SNX29: variants seen among roughly 807,000 people sequenced by gnomAD.
SNX29 encodes sorting nexin 29, also known as sorting nexin-29.
In SNX29, 78 loss-of-function variants were observed where a neutral mutation model predicts 102.1. The observed-to-expected ratio is 0.76, with a 90% CI of 0.64 to 0.92. SNX29 has a LOEUF of 0.92. Among genes scored for constraint, SNX29 ranks in the 40% least tolerant of loss-of-function variants. SNX29 has a pLI of 0.00. For missense variants in SNX29, 1,280 were observed against 1,061.7 expected (o/e 1.21, Z -2.86); for synonymous variants, 580 against 414.5 (o/e 1.40, Z -4.85).
intron 15 of SNX29, among the ~76,000 whole-genome samples, chr16:12,340,872 T>C (rs1849977343): frequency 1.3e-5 from 2 of 151,966 alleles, no homozygotes; most frequent in Admixed American, 1.3e-4. Flanking sequence ...TTACGTGGAG[T>C]CTTTGCCTTC....
intron 15 of SNX29, among the ~76,000 whole-genome samples, chr16:12,292,273 A>G (rs912859962): frequency 6.6e-6 from 1 of 152,212 alleles, no homozygotes; most frequent in African/African-American, 2.4e-5. Flanking sequence ...AGACGCCTCC[A>G]TAGTTCCTTT....
At chr16:12,403,376 CTCT>C in intron 17 of SNX29, 69 bp from the exon 18 acceptor site, 1 of 1,460,984 alleles carries the variant, frequency 6.8e-7, no homozygotes, top group Non-Finnish European at 9.3e-7. Context: ...GTCTCCTTTC[CTCT>C]TTTTTATTTT....
chr16:12,516,206 G>A (rs577163736), intron 19 of SNX29, among the ~76,000 whole-genome samples: 7 of 152,300 alleles, frequency 4.6e-5, no homozygotes, highest in East Asian at 1.9e-4. Context: ...GAGACCAGGC[G>A]TGGTGGCTCA....
Position 12,573,658 on chromosome 16 carries a change from G to C in SNX29, c.*5029G>C, listed in dbSNP as rs1159298466. 2 of 222,244 alleles carry C rather than the reference G, an allele frequency of 9.0e-6. No homozygotes were observed. Among genetic ancestry groups the C allele is most frequent in the African/African-American group, 2.2e-5 (1 of 44,720 alleles). The allele number at this position is 222,244 out of a possible 1,614,324, so 13.8% of individuals were successfully genotyped here. A position where few individuals can be genotyped will look rare whatever the true frequency, so the allele number is the denominator to read the frequency against. ...CAAGGGGAACCACCACTCATTCACT[G>C]TCAGTGTAGGTAAGACAGAGGATGC... On this transcript the variant is annotated 3_prime_UTR_variant, in exon 21 of 21. Transcript: ENST00000566228.
intron 19 of SNX29, among the ~76,000 whole-genome samples, chr16:12,522,144 C>T (rs1188533490): frequency 6.6e-6 from 1 of 152,198 alleles, no homozygotes; most frequent in Non-Finnish European, 1.5e-5. Flanking sequence ...TATAAGGATG[C>T]CCAGTGAAAT....
At chr16:12,087,468 A>C (rs987886284) in intron 11 of SNX29, 1 of 213,550 alleles carries the variant, frequency 4.7e-6, no homozygotes, top group Admixed American at 5.2e-5. Flanking sequence ...ATGGTGGCAC[A>C]TGTCTGTGGA....
At position 12,569,588 on chromosome 16, in the gene SNX29, C is replaced by G. The variant is rs118124407; in HGVS notation, c.*959C>G. 4.4e-6 allele frequency: 1 copy of G among 229,820 alleles called. No individual in the cohort carries two copies. The highest frequency in any genetic ancestry group is 1.8e-4 in the South Asian group (1 of 5,508). The allele number at this position is 229,820 out of a possible 1,614,324, so 14.2% of individuals were successfully genotyped here. The stretch of plus-strand genomic sequence containing the variant: ...CTCTCCACTAAAAACATTTTCCATC[C>G]CGTCTGCCCCCGACATTGTCCTTGA... On this transcript the variant is annotated 3_prime_UTR_variant, in exon 21 of 21. Coordinates refer to ENST00000566228, the MANE Select transcript of SNX29 (RefSeq NM_032167.5).
At chr16:12,276,121 G>T (rs561820890) in intron 14 of SNX29, among the ~76,000 whole-genome samples, 1 of 152,172 alleles carries the variant, frequency 6.6e-6, no homozygotes, top group African/African-American at 2.4e-5. Context: ...TCGGACTCCT[G>T]ACCTCAAGTG....
chr16:12,354,331 G>A (rs1053985756), intron 15 of SNX29, among the ~76,000 whole-genome samples: 5 of 152,140 alleles, frequency 3.3e-5, no homozygotes, highest in Non-Finnish European at 4.4e-5. Flanking sequence ...AAGTTGCATG[G>A]GATTTTTCCT....
chr16:12,116,203 A>T (rs1423642446), intron 11 of SNX29, among the ~76,000 whole-genome samples: 1 of 152,232 alleles, frequency 6.6e-6, no homozygotes, highest in African/African-American at 2.4e-5. Context: ...ACTTCTAGGT[A>T]CACATCCAAA....
intron 20 of SNX29, among the ~76,000 whole-genome samples, chr16:12,531,576 T>G (rs559486294): frequency 1.9e-4 from 29 of 152,226 alleles, no homozygotes; most frequent in African/African-American, 6.3e-4. Context: ...GGCATTGCCA[T>G]TCTCTGGGAT....
intron 3 of SNX29, among the ~76,000 whole-genome samples, chr16:12,006,512 C>T (rs962552245): frequency 7.4e-6 from 1 of 135,128 alleles, no homozygotes; most frequent in African/African-American, 2.8e-5. Flanking sequence ...GCGATACTGT[C>T]TCAGAAAAAA....
intron 20 of SNX29, among the ~76,000 whole-genome samples, chr16:12,539,957 A>T (rs1048042176): frequency 5.9e-5 from 9 of 152,220 alleles, no homozygotes; most frequent in Admixed American, 5.9e-4. Context: ...TTTGTCGAAC[A>T]TGTGAGTTGC....
At chr16:12,197,084 C>G (rs7193992) in intron 13 of SNX29, among the ~76,000 whole-genome samples, 101,443 of 151,874 alleles carry the variant, frequency 0.67, 37,556 homozygotes, top group South Asian at 0.82. Context: ...GGAGACCTGA[C>G]CGCCAAACAC....
Position 12,008,882 on chromosome 16 carries a change from T to C in SNX29, c.122+5839T>C, listed in dbSNP as rs150990526. 6.6e-3 allele frequency among the ~76,000 whole-genome samples: 1,006 copies of C among 151,996 alleles called. 14 individuals carry two copies. Among genetic ancestry groups the C allele is most frequent in the African/African-American group, 0.023 (947 of 41,470 alleles). On this transcript the variant is annotated intron_variant, in intron 3 of 20. Coordinates refer to ENST00000566228, the MANE Select transcript of SNX29 (RefSeq NM_032167.5). ...TCAGCCTCCCTAGTAGCTGGGACTA[T>C]AGGTGCGCGCCTCCAGGCCTGGGTA...
At chr16:12,472,272 G>A (rs138263498) in intron 18 of SNX29, among the ~76,000 whole-genome samples, 12,076 of 152,194 alleles carry the variant, frequency 0.079, 652 homozygotes, top group Non-Finnish European at 0.11. Context: ...TGTAATCCCA[G>A]CACTTTGGGA....
chr16:12,175,073 G>A (rs549299251), intron 13 of SNX29, among the ~76,000 whole-genome samples: 8 of 152,266 alleles, frequency 5.3e-5, no homozygotes, highest in African/African-American at 1.9e-4. Flanking sequence ...ATTGACTTGG[G>A]AATAATTATT....
At chr16:12,540,529 T>G (rs988977557) in intron 20 of SNX29, among the ~76,000 whole-genome samples, 5 of 152,244 alleles carry the variant, frequency 3.3e-5, no homozygotes, top group African/African-American at 9.6e-5. Context: ...AGAATTTGTT[T>G]CGCGGCTTCC....
At chr16:12,422,558 G>A (rs75364970) in intron 18 of SNX29, among the ~76,000 whole-genome samples, 2,518 of 152,214 alleles carry the variant, frequency 0.017, 78 homozygotes, top group African/African-American at 0.058. Flanking sequence ...TTCCCTCCTC[G>A]TCTTCCCTGG....
Sources: gnomAD v4.1 joint callset for allele counts (sites outside exome capture counted in the v4.1 genomes callset) on GRCh38, gnomAD v4.1.1 for gene constraint, MANE v1.5 for transcripts, NCBI Gene and HGNC (gene_info 2026-07-23, HGNC 2026-07-21) for gene names.